DHX8: variants seen among roughly 807,000 people sequenced by gnomAD.
The protein encoded by DHX8 is DEAH-box helicase 8, also known as ATP-dependent RNA helicase DHX8.
A neutral mutation model predicts 140.7 loss-of-function variants in DHX8; 67 were observed. The observed-to-expected ratio is 0.48, with a 90% CI of 0.39 to 0.58. The LOEUF (loss-of-function observed/expected upper bound fraction) is 0.58, where lower values mean the gene tolerates loss of function less well. DHX8 is among the 20% of genes least tolerant of loss of function. The pLI, the probability that DHX8 is intolerant of heterozygous loss-of-function variation, is 0.00. For missense variants in DHX8, 887 were observed against 1,550.7 expected (o/e 0.57, Z 7.19); for synonymous variants, 533 against 553.2 (o/e 0.96, Z 0.51).
chr17:43,527,607 C>A (rs1970654663), downstream of DHX8, among the ~76,000 whole-genome samples: 1 of 152,238 alleles, frequency 6.6e-6, no homozygotes. Context: ...TTATCAAGTA[C>A]CCCCTGTCCA....
intron 11 of DHX8, 129 bp from the exon 12 acceptor site, chr17:43,504,515 A>G: frequency 2.4e-6 from 2 of 842,200 alleles, no homozygotes; most frequent in Non-Finnish European, 3.7e-6. Flanking sequence ...TGTTTCTTTG[A>G]GTACTTTTGA....
At chr17:43,542,889 G>C (rs1042169568) in intron 3 of DHX8, among the ~76,000 whole-genome samples, 1 of 152,054 alleles carries the variant, frequency 6.6e-6, no homozygotes, top group Non-Finnish European at 1.5e-5. Flanking sequence ...CTCCTAATGC[G>C]TCCCACCACT....
At chr17:43,536,547 A>G in intron 3 of DHX8, 1 of 1,403,384 alleles carries the variant, frequency 7.1e-7, no homozygotes, top group Non-Finnish European at 1.0e-6. Context: ...CTCCATTATT[A>G]CAGCCCTGCA....
intron 9 of DHX8, among the ~76,000 whole-genome samples, chr17:43,498,504 C>T (rs1418582417): frequency 6.6e-6 from 1 of 151,302 alleles, no homozygotes; most frequent in East Asian, 1.9e-4. Context: ...GGCTGGAGTG[C>T]AATGGCTTGA....
intron 2 of DHX8, chr17:43,533,992 G>T: frequency 6.6e-7 from 1 of 1,523,832 alleles, no homozygotes; most frequent in East Asian, 2.6e-5. Context: ...GCTACTGTGG[G>T]GGTGGAGGGG....
chr17:43,496,335 G>A, intron 9 of DHX8, 67 bp downstream of exon 9: 1 of 1,137,786 alleles, frequency 8.8e-7, no homozygotes, highest in Non-Finnish European at 1.3e-6. Flanking sequence ...TGATTTGCCT[G>A]TAGTTTAACC....
chr17:43,539,994 A>G (rs1462412443), intron 3 of DHX8, among the ~76,000 whole-genome samples: 2 of 152,220 alleles, frequency 1.3e-5, no homozygotes, highest in Non-Finnish European at 2.9e-5. Flanking sequence ...CAACATAATA[A>G]TACTTTGGTC....
chr17:43,538,527 C>G (rs1971358945), intron 3 of DHX8, among the ~76,000 whole-genome samples: 1 of 152,148 alleles, frequency 6.6e-6, no homozygotes, highest in Non-Finnish European at 1.5e-5. Flanking sequence ...GGCAGGAAAA[C>G]TGAAATACAG....
chr17:43,499,709 C>T (rs184135484), intron 10 of DHX8, among the ~76,000 whole-genome samples: 52 of 152,320 alleles, frequency 3.4e-4, no homozygotes, highest in Admixed American at 1.3e-3. Context: ...AAAGGTAGCA[C>T]ATCATTCCTA....
chr17:43,512,347 A>C lies in DHX8; in HGVS notation c.2503-1015A>C, dbSNP rs1969888737. Among the ~76,000 whole-genome samples the C allele has an allele frequency of 2.7e-5, 4 of 149,144 alleles. No individual in the cohort carries two copies. The South Asian group carries it at 8.5e-4, about 32-fold the overall frequency. On this transcript the variant is annotated intron_variant, in intron 16 of 22. Transcript: ENST00000262415. ...GGTTGCAGTAAGCCGAGATTGCACC[A>C]CTGCACTCCAGCTTGGGCAACAGAG...
chr17:43,505,898 G>A (rs1188605449), intron 12 of DHX8, among the ~76,000 whole-genome samples: 2 of 151,836 alleles, frequency 1.3e-5, no homozygotes, highest in Non-Finnish European at 2.9e-5. Flanking sequence ...GCACACACAC[G>A]CACACACATT....
In DHX8 at chr17:43,525,668, C is replaced by T; in HGVS notation, c.*1821C>T. The T allele has an allele frequency of 1.0e-6, 1 of 984,696 alleles. No homozygotes were observed. Among genetic ancestry groups the T allele is most frequent in the Non-Finnish European group, 1.2e-6 (1 of 829,292 alleles). The allele number at this position is 984,696 out of a possible 1,614,324, so 61.0% of individuals were successfully genotyped here. A position where few individuals can be genotyped will look rare whatever the true frequency, so the allele number is the denominator to read the frequency against. ...TTGTTTTTGTTAAGACAGGATCTTG[C>T]CATCTTGCCTAGGCTGGCATCAAAC... is the stretch of plus-strand genomic sequence containing the variant. On this transcript the variant is annotated 3_prime_UTR_variant, in exon 23 of 23. Coordinates refer to ENST00000262415, the MANE Select transcript of DHX8 (RefSeq NM_004941.3).
At chr17:43,499,695 G>A (rs543279047) in intron 10 of DHX8, among the ~76,000 whole-genome samples, 8 of 152,252 alleles carry the variant, frequency 5.3e-5, no homozygotes, top group African/African-American at 1.4e-4. Flanking sequence ...TCCTTCATAC[G>A]TTTAAAGGTA....
intron 18 of DHX8, 185 bp from the exon 19 acceptor site, chr17:43,519,945 A>G (rs1484916561): frequency 8.6e-6 from 5 of 578,892 alleles, no homozygotes; most frequent in Non-Finnish European, 1.5e-5. Flanking sequence ...TGTCTCAAGT[A>G]TGTGCTTTCT....
rs189476982 is a variant in DHX8 at position 43,489,598 on chromosome 17, T to G, written c.234+64T>G. On this transcript the variant is annotated intron_variant, in intron 2 of 22. Transcript: ENST00000262415. ...GTTTTAATTTATGTTTGTTTGTTTG[T>G]TTTTTTTTTTGAGACAGAGTTTTGC... 119 of 952,552 alleles carry G rather than the reference T, an allele frequency of 1.2e-4. No individual in the cohort carries two copies. The East Asian group carries it at 3.3e-3, about 26-fold the overall frequency. The allele number at this position is 952,552 out of a possible 1,614,324, so 59.0% of individuals were successfully genotyped here.
chr17:43,491,014 T>G (rs1968487691), intron 3 of DHX8, 151 bp from the exon 4 acceptor site: 1 of 409,638 alleles, frequency 2.4e-6, no homozygotes, highest in Admixed American at 4.1e-5. Flanking sequence ...TAAATTACAT[T>G]TATAGTAACA....
intron 3 of DHX8, chr17:43,536,631 C>T: frequency 4.7e-6 from 3 of 637,532 alleles, no homozygotes. Flanking sequence ...TGTCTTGGGC[C>T]ACACATAAAA....
chr17:43,522,023 A>T, intron 21 of DHX8, 24 bp from the exon 22 acceptor site: 1 of 1,611,342 alleles, frequency 6.2e-7, no homozygotes, highest in Admixed American at 1.7e-5. Flanking sequence ...GAGTGGGCTC[A>T]TATCTTTTGT....
intron 17 of DHX8, 45 bp from the exon 18 acceptor site, chr17:43,517,122 G>A: frequency 6.4e-7 from 1 of 1,553,868 alleles, no homozygotes; most frequent in Non-Finnish European, 8.7e-7. Context: ...AAGCTGTTAA[G>A]CAGTGTTTAA....
Sources: allele counts gnomAD v4.1 joint callset (sites outside exome capture counted in the v4.1 genomes callset), GRCh38; gene constraint gnomAD v4.1.1; transcripts MANE v1.5; gene names NCBI Gene and HGNC (gene_info 2026-07-23, HGNC 2026-07-21).